Variants in WWP1 observed in about 807,000 individuals in gnomAD.
WWP1 encodes the protein NEDD4-like E3 ubiquitin-protein ligase WWP1.
Under a neutral mutation model 130.6 loss-of-function variants are expected in WWP1, and 49 were observed. That is an observed-to-expected ratio of 0.38 (90% CI 0.30 to 0.48). The LOEUF is 0.48. Ranked by LOEUF, WWP1 falls within the 20% of genes least tolerant of loss-of-function variation. The pLI is 0.99. For missense variants in WWP1, 809 were observed against 1,100.6 expected (o/e 0.74, Z 3.75); for synonymous variants, 332 against 367.8 (o/e 0.90, Z 1.11).
In WWP1 at chr8:86,427,502, T is replaced by C. The variant is rs1809698869; in HGVS notation, c.1158-141T>C. The stretch of plus-strand genomic sequence containing the variant: ...TGGTAGAATGGGAAGGTAATTTAGG[T>C]AAAATAAATAGTTCATAGTTTTATA... On this transcript the variant is annotated intron_variant, in intron 10 of 24. Coordinates refer to ENST00000517970, the MANE Select transcript of WWP1 (RefSeq NM_007013.4). 10 of 859,566 alleles carry C rather than the reference T, an allele frequency of 1.2e-5. No homozygotes were observed. In the South Asian group the frequency reaches 3.1e-4, roughly 26 times the overall value. 53.2% of individuals were successfully genotyped at this position (859,566 alleles called of 1,614,324 possible). A position where few individuals can be genotyped will look rare whatever the true frequency, so the allele number is the denominator to read the frequency against.
At chr8:86,438,287 G>T (rs1215970358) in intron 16 of WWP1, among the ~76,000 whole-genome samples, 2 of 152,124 alleles carry the variant, frequency 1.3e-5, no homozygotes, top group Non-Finnish European at 2.9e-5. Context: ...TTGTCTCAGG[G>T]GTGGCAGAGG....
At chr8:86,461,428 A>T in intron 23 of WWP1, 108 bp downstream of exon 23, 2 of 952,766 alleles carry the variant, frequency 2.1e-6, no homozygotes. Flanking sequence ...TCTGTGCTGT[A>T]GGTAGGGCTT....
At chr8:86,423,187 GA>G (rs1809331345) in intron 9 of WWP1, among the ~76,000 whole-genome samples, 1 of 151,092 alleles carries the variant, frequency 6.6e-6, no homozygotes, top group East Asian at 1.9e-4. Flanking sequence ...TCAAATGTCA[GA>G]AAAAGGGTAA....
intron 7 of WWP1, among the ~76,000 whole-genome samples, chr8:86,400,248 C>G (rs1409737935): frequency 6.6e-6 from 1 of 151,924 alleles, no homozygotes; most frequent in Non-Finnish European, 1.5e-5. Context: ...AGGAGAATTG[C>G]TTGAACCCGG....
At chr8:86,422,611 G>C (rs1809292816) in intron 9 of WWP1, among the ~76,000 whole-genome samples, 1 of 151,770 alleles carries the variant, frequency 6.6e-6, no homozygotes, top group Non-Finnish European at 1.5e-5. Flanking sequence ...GACCTCAGGT[G>C]ATTCACCCTC....
intron 24 of WWP1, among the ~76,000 whole-genome samples, chr8:86,462,495 G>A (rs1010855616): frequency 2.6e-5 from 4 of 152,158 alleles, no homozygotes; most frequent in Non-Finnish European, 4.4e-5. Flanking sequence ...TATGTACAGC[G>A]TTATAGGCTA....
chr8:86,424,834 G>A (rs1185321527), intron 9 of WWP1, among the ~76,000 whole-genome samples: 3 of 108,188 alleles, frequency 2.8e-5, no homozygotes, highest in African/African-American at 1.1e-4. Flanking sequence ...GAGGGAGAGG[G>A]AGGGGGAGGG....
chr8:86,383,368 A>G (rs1334756685), intron 5 of WWP1, among the ~76,000 whole-genome samples: 1 of 152,204 alleles, frequency 6.6e-6, no homozygotes, highest in African/African-American at 2.4e-5. Flanking sequence ...ATAACTATCC[A>G]CTTATCTGCC....
intron 18 of WWP1, among the ~76,000 whole-genome samples, chr8:86,445,094 G>A (rs1017561017): frequency 2.0e-5 from 3 of 152,102 alleles, no homozygotes; most frequent in Non-Finnish European, 4.4e-5. Context: ...GGGAGGAAGT[G>A]CCATACTCTT....
chr8:86,448,961 G>T (rs906242415), intron 20 of WWP1, among the ~76,000 whole-genome samples: 1 of 152,084 alleles, frequency 6.6e-6, no homozygotes, highest in East Asian at 1.9e-4. Flanking sequence ...CTCCTGAGTA[G>T]CTGGGACTAC....
At chr8:86,407,988 G>T (rs149322653) in intron 8 of WWP1, among the ~76,000 whole-genome samples, 11 of 152,002 alleles carry the variant, frequency 7.2e-5, no homozygotes, top group African/African-American at 2.4e-4. Context: ...AATGCATATC[G>T]TCATGTACAC....
chr8:86,431,365 C>A (rs748093596), intron 12 of WWP1, 41 bp from the exon 13 acceptor site: 6 of 1,116,074 alleles, frequency 5.4e-6, no homozygotes, highest in Middle Eastern at 3.1e-4. Context: ...ATATATAGAT[C>A]CTAAATAGTT....
chr8:86,452,764 A>G, intron 21 of WWP1, 85 bp downstream of exon 21: 1 of 1,514,908 alleles, frequency 6.6e-7, no homozygotes, highest in South Asian at 1.2e-5. Context: ...GTGTTCACAC[A>G]TTTTAAAATC....
chr8:86,464,442 TTC>T (rs1461565943), intron 24 of WWP1, among the ~76,000 whole-genome samples: 3 of 152,370 alleles, frequency 2.0e-5, no homozygotes, highest in South Asian at 2.1e-4. Flanking sequence ...TTTTTTAAAC[TTC>T]TGTTTTAACT....
chr8:86,361,974 G>GTATA (rs34016613), intron 1 of WWP1, among the ~76,000 whole-genome samples: 40 of 127,608 alleles, frequency 3.1e-4, no homozygotes, highest in South Asian at 1.0e-3. Context: ...GTGTGTGTGT[G>GTATA]TATATATATA....
intron 5 of WWP1, among the ~76,000 whole-genome samples, chr8:86,383,681 C>T (rs1472941695): frequency 6.6e-6 from 1 of 152,172 alleles, no homozygotes; most frequent in Non-Finnish European, 1.5e-5. Flanking sequence ...ACGGAGGTTG[C>T]AGTGAACTGA....
At chr8:86,460,918 T>C (rs1441374216) in intron 22 of WWP1, among the ~76,000 whole-genome samples, 1 of 145,870 alleles carries the variant, frequency 6.9e-6, no homozygotes, top group African/African-American at 2.5e-5. Context: ...CACGCCATTC[T>C]CCTGCCTCAG....
intron 2 of WWP1, among the ~76,000 whole-genome samples, chr8:86,373,098 A>G (rs971554653): frequency 2.1e-5 from 3 of 144,638 alleles, no homozygotes; most frequent in African/African-American, 5.1e-5. Flanking sequence ...AATTTCCAAC[A>G]TGGTTTCTTT....
At chr8:86,449,608 A>G (rs1477837670) in intron 20 of WWP1, among the ~76,000 whole-genome samples, 1 of 152,252 alleles carries the variant, frequency 6.6e-6, no homozygotes, top group Non-Finnish European at 1.5e-5. Context: ...GTAATTTGCC[A>G]GCACGTGAAC....
Sources: allele counts gnomAD v4.1 joint callset (sites outside exome capture counted in the v4.1 genomes callset), GRCh38; gene constraint gnomAD v4.1.1; transcripts MANE v1.5; gene names NCBI Gene and HGNC (gene_info 2026-07-23, HGNC 2026-07-21).